Variants in CATSPERD observed in about 807,000 individuals in gnomAD.
CATSPERD encodes cation channel sperm-associated auxiliary subunit delta.
In CATSPERD, 86 loss-of-function variants were observed where a neutral mutation model predicts 98.1. That is an observed-to-expected ratio of 0.88 (90% CI 0.74 to 1.05). The LOEUF (loss-of-function observed/expected upper bound fraction) is 1.05, where lower values mean the gene tolerates loss of function less well. Among genes scored for constraint, CATSPERD ranks in the 50% least tolerant of loss-of-function variants. The probability of loss-of-function intolerance (pLI) is 0.00; values close to 1 mark genes in which losing one functional copy is unlikely to be tolerated. For missense variants in CATSPERD, 995 were observed against 1,005.7 expected, an observed-to-expected ratio of 0.99 and a Z score of 0.14; for synonymous variants, 394 against 390.2, an observed-to-expected ratio of 1.01 and a Z score of -0.12.
chr19:5,755,332 C>T (rs189211982), intron 13 of CATSPERD, among the ~76,000 whole-genome samples: 2 of 151,966 alleles, frequency 1.3e-5, no homozygotes, highest in Admixed American at 6.6e-5. Flanking sequence ...GGCACAAAAC[C>T]GATTATACTC....
At chr19:5,771,603 C>G (rs2056645776) in intron 19 of CATSPERD, among the ~76,000 whole-genome samples, 4 of 148,522 alleles carry the variant, frequency 2.7e-5, no homozygotes, top group Admixed American at 2.0e-4. Context: ...TTTTTTTCCA[C>G]TCTGTCACCC....
Position 5,749,109 on chromosome 19 carries a change from G to C in CATSPERD, c.913G>C (p.Glu305Gln). The C allele has an allele frequency of 6.2e-7, 1 of 1,611,714 alleles. No individual in the cohort carries two copies. The highest frequency in any genetic ancestry group is 1.1e-5 in the South Asian group (1 of 90,644). The change falls in exon 11 of 22, where the codon GAA (glutamate) becomes CAA (glutamine). Residue 305 changes from glutamate (E) to glutamine (Q), a missense_variant. Physicochemically the swap from Glu to Gln is conservative, Grantham distance 29 (BLOSUM62 2). Transcript: ENST00000381624. ...TIHNIAVTENELAVITREDNL... is the reference protein window; with the variant it reads ...TIHNIAVTENQLAVITREDNL... ...TGTTTTGTTTTTCCCAGCTGAAAATGAACTGGCAGTTATAACTCGGGAGGA... is the reference window on the plus strand; with the variant it reads ...TGTTTTGTTTTTCCCAGCTGAAAATCAACTGGCAGTTATAACTCGGGAGGA...
intron 11 of CATSPERD, among the ~76,000 whole-genome samples, chr19:5,750,284 T>TAA (rs907444746): frequency 6.8e-6 from 1 of 147,306 alleles, no homozygotes; most frequent in African/African-American, 2.5e-5. Context: ...CCGTCTCTAC[T>TAA]AAAAAAAATA....
chr19:5,750,450 CAA>C (rs60496454), intron 11 of CATSPERD, among the ~76,000 whole-genome samples: 16 of 48,660 alleles, frequency 3.3e-4, no homozygotes, highest in African/African-American at 1.2e-3. Flanking sequence ...GACTCTGTCT[CAA>C]AAAAAAAAAA....
At chr19:5,767,318 A>C (rs1470126235) in intron 17 of CATSPERD, among the ~76,000 whole-genome samples, 1 of 146,338 alleles carries the variant, frequency 6.8e-6, no homozygotes, top group Admixed American at 6.9e-5. Context: ...CTCTGTCTCA[A>C]AAAAAAAAAA....
At chr19:5,734,098 C>T in intron 5 of CATSPERD, 128 bp downstream of exon 5, 2 of 606,840 alleles carry the variant, frequency 3.3e-6, no homozygotes, top group Non-Finnish European at 5.6e-6. Flanking sequence ...TTTGTCCTTT[C>T]CAACCAAAAT....
At chr19:5,723,786 T>TTG (rs2055549009) in intron 1 of CATSPERD, among the ~76,000 whole-genome samples, 1 of 149,882 alleles carries the variant, frequency 6.7e-6, no homozygotes, top group African/African-American at 2.5e-5. Context: ...GTTTTTGTTT[T>TTG]TTTTTTTGAG....
At chr19:5,754,061 T>A in intron 12 of CATSPERD, 71 bp from the exon 13 acceptor site, 2 of 1,053,278 alleles carry the variant, frequency 1.9e-6, no homozygotes, top group Non-Finnish European at 3.0e-6. Context: ...CCCTTCCTCC[T>A]TCCCACCTCC....
intron 21 of CATSPERD, among the ~76,000 whole-genome samples, chr19:5,777,840 A>C (rs2056761976): frequency 6.6e-6 from 1 of 151,866 alleles, no homozygotes; most frequent in South Asian, 2.1e-4. Flanking sequence ...GCACCACTGC[A>C]CTCCAGCCTG....
At chr19:5,744,543 G>A in intron 8 of CATSPERD, 33 bp downstream of exon 8, 2 of 1,511,370 alleles carry the variant, frequency 1.3e-6, no homozygotes, top group Non-Finnish European at 1.8e-6. Context: ...ACTACTCAGA[G>A]GACCTTTGCC....
chr19:5,747,545 A>C (rs1023997357), intron 9 of CATSPERD, among the ~76,000 whole-genome samples: 1 of 151,340 alleles, frequency 6.6e-6, no homozygotes, highest in Admixed American at 6.6e-5. Context: ...AAAAAACTCA[A>C]TGGCCATCCC....
rs138061379 is a variant in CATSPERD at position 5,724,631 on chromosome 19, G to A, written c.72-177G>A. Reference sequence around the variant, plus strand: ...GGAGAAACACTTGAATCTGGGAGGCGGAGGTTGCAGTGAGCCAAGATCTTG... The same window carrying A: ...GGAGAAACACTTGAATCTGGGAGGCAGAGGTTGCAGTGAGCCAAGATCTTG... On this transcript the variant is annotated intron_variant, in intron 1 of 21. Coordinates refer to ENST00000381624, the MANE Select transcript of CATSPERD (RefSeq NM_152784.4). Among the ~76,000 whole-genome samples the A allele has an allele frequency of 1.2e-4, 19 of 152,268 alleles. No homozygotes were observed. The South Asian group carries it at 3.5e-3, about 28-fold the overall frequency.
intron 4 of CATSPERD, among the ~76,000 whole-genome samples, chr19:5,732,974 G>C (rs2055757446): frequency 6.6e-6 from 1 of 151,652 alleles, no homozygotes; most frequent in Admixed American, 6.6e-5. Context: ...ACCATGCTCG[G>C]CCATAAATGT....
In CATSPERD at chr19:5,748,214, C is replaced by T. The variant is rs771234851; in HGVS notation, c.863C>T (p.Ser288Phe). 4.5e-5 allele frequency: 73 copies of T among 1,613,922 alleles called. No homozygotes were observed. Among genetic ancestry groups the T allele is most frequent in the Non-Finnish European group, 5.8e-5 (68 of 1,180,016 alleles). Residue 288 changes from serine to phenylalanine, a missense_variant, in exon 10 of 22, where the codon TCC becomes TTC. Physicochemically the swap from Ser to Phe is radical, Grantham distance 155 (BLOSUM62 -2). Coordinates refer to ENST00000381624, the MANE Select transcript of CATSPERD (RefSeq NM_152784.4). ...VKKGDQTLFS[S>F]IFEAKITIHN... ...AAAGGAGACCAGACCTTGTTTTCTTCCATTTTTGAAGCCAAGATCACCATC... is the reference window on the plus strand; with the variant it reads ...AAAGGAGACCAGACCTTGTTTTCTTTCATTTTTGAAGCCAAGATCACCATC...
chr19:5,736,877 G>T (rs1300270052), intron 5 of CATSPERD, among the ~76,000 whole-genome samples: 1 of 151,954 alleles, frequency 6.6e-6, no homozygotes, highest in African/African-American at 2.4e-5. Context: ...CTAACACAGT[G>T]AAACCCTGTC....
At chr19:5,730,339 C>A (rs2055689196) in intron 4 of CATSPERD, among the ~76,000 whole-genome samples, 1 of 150,340 alleles carries the variant, frequency 6.7e-6, no homozygotes, top group Non-Finnish European at 1.5e-5. Flanking sequence ...GGTCAAGAGA[C>A]TGAGACCATC....
intron 6 of CATSPERD, 41 bp downstream of exon 6, chr19:5,737,246 C>A: frequency 7.4e-7 from 1 of 1,347,782 alleles, no homozygotes; most frequent in Non-Finnish European, 1.1e-6. Context: ...TTTTGCTCTC[C>A]TCTGAACACA....
chr19:5,748,653 T>C (rs1288981120), intron 10 of CATSPERD, among the ~76,000 whole-genome samples: 1 of 148,272 alleles, frequency 6.7e-6, no homozygotes, highest in Admixed American at 6.8e-5. Flanking sequence ...GCTTCAACTC[T>C]GTATTTTTTT....
At chr19:5,778,226 GC>G (rs2056767634) in intron 21 of CATSPERD, 149 bp from the exon 22 acceptor site, 1 of 577,350 alleles carries the variant, frequency 1.7e-6, no homozygotes, top group South Asian at 2.5e-5. Context: ...AAAAAAAAAG[GC>G]ATAGTGGATG....
Sources: gnomAD v4.1 joint callset for allele counts (sites outside exome capture counted in the v4.1 genomes callset) on GRCh38, gnomAD v4.1.1 for gene constraint, MANE v1.5 for transcripts, NCBI Gene and HGNC (gene_info 2026-07-23, HGNC 2026-07-21) for gene names.